RSL24D1: variants seen among roughly 807,000 people sequenced by gnomAD.
RSL24D1 encodes ribosomal L24 domain containing 1.
In RSL24D1, 6 loss-of-function variants were observed where a neutral mutation model predicts 26.2. The ratio of observed to expected loss-of-function variants is 0.23; its 90% CI spans 0.13 to 0.45. The LOEUF is 0.45. Ranked by LOEUF, RSL24D1 falls within the 20% of genes least tolerant of loss-of-function variation. The pLI is 0.99. For synonymous variants in RSL24D1, 61 were observed against 59.1 expected, an observed-to-expected ratio of 1.03 and a Z score of -0.15; for missense variants, 176 against 202.6, an observed-to-expected ratio of 0.87 and a Z score of 0.80.
Position 55,185,428 on chromosome 15 carries a change from A to G in RSL24D1, c.269-3T>C. On this transcript the variant is annotated splice_region_variant and splice_polypyrimidine_tract_variant and intron_variant, in intron 3 of 5. Transcript: ENST00000260443. The stretch of plus-strand genomic sequence containing the variant: ...TTCAACTCTCTTCATCGCATCAACT[A>G]CAAAAAAATTCATGAGTTAGCAAAT... The G allele has an allele frequency of 1.2e-6, 2 of 1,603,428 alleles. No individual in the cohort carries two copies. Among genetic ancestry groups the G allele is most frequent in the South Asian group, 2.3e-5 (2 of 88,540 alleles).
At chr15:55,190,661 C>T (rs1894286920) in intron 3 of RSL24D1, among the ~76,000 whole-genome samples, 1 of 152,136 alleles carries the variant, frequency 6.6e-6, no homozygotes, top group Non-Finnish European at 1.5e-5. Flanking sequence ...CCATCCCACA[C>T]TCACCCTAAA....
intron 3 of RSL24D1, among the ~76,000 whole-genome samples, chr15:55,190,638 A>C (rs1410479288): frequency 6.6e-6 from 1 of 152,142 alleles, no homozygotes; most frequent in Non-Finnish European, 1.5e-5. Flanking sequence ...GTTAGGTTTC[A>C]TGTGTATTTT....
intron 2 of RSL24D1, 107 bp downstream of exon 2, chr15:55,192,613 A>C: frequency 2.9e-6 from 2 of 691,200 alleles, no homozygotes; most frequent in Non-Finnish European, 5.1e-6. Flanking sequence ...GGTACTTATT[A>C]ATCATGTTAT....
chr15:55,182,963 T>A (rs1894185624), intron 5 of RSL24D1, among the ~76,000 whole-genome samples: 1 of 152,128 alleles, frequency 6.6e-6, no homozygotes, highest in Admixed American at 6.5e-5. Flanking sequence ...TATACTAAGT[T>A]CCCCAAGTTG....
chr15:55,196,215 C>T lies in RSL24D1; in HGVS notation c.81+595G>A, dbSNP rs929153708. ...CTTCCTCAAACAAATGTATTTGCTC[C>T]GTTCTCTGCCTTTTCTCAAAATGTT... On this transcript the variant is annotated intron_variant, in intron 1 of 5. Coordinates refer to ENST00000260443, the MANE Select transcript of RSL24D1 (RefSeq NM_016304.3). 5.8e-5 allele frequency: 24 copies of T among 412,144 alleles called. No individual in the cohort carries two copies. In the East Asian group the frequency reaches 1.4e-3, roughly 24 times the overall value. 25.5% of individuals were successfully genotyped at this position (412,144 alleles called of 1,614,324 possible).
Position 55,183,303 on chromosome 15 carries a change from T to A in RSL24D1, c.418+12A>T, listed in dbSNP as rs767648982. ...AGACCACAAAAATCTAGATGTGCAA[T>A]GTAGTACTCACCTGCAAGAGGGGCT... On this transcript the variant is annotated intron_variant, in intron 5 of 5. Transcript: ENST00000260443. The A allele has an allele frequency of 6.2e-7, 1 of 1,607,210 alleles. No individual in the cohort carries two copies. The highest frequency in any genetic ancestry group is 2.2e-5 in the East Asian group (1 of 44,836).
chr15:55,196,857 G>A lies in RSL24D1; in HGVS notation c.34C>T (p.Pro12Ser), dbSNP rs1003962483. 2 of 1,614,154 alleles carry A rather than the reference G, an allele frequency of 1.2e-6. No individual in the cohort carries two copies. Among genetic ancestry groups the A allele is most frequent in the Non-Finnish European group, 1.7e-6 (2 of 1,180,026 alleles). ...ATCATGCCGTGTCCAGGATAGATGG[G>A]CCCCGAACAGAAATAACACTTTTCG... is the stretch of plus-strand genomic sequence containing the variant. ...RIEKCYFCSG[P>S]IYPGHGMMFV... The change falls in exon 1 of 6, where the codon CCC (proline) becomes TCC (serine). Residue 12 changes from proline (P) to serine (S), a missense_variant. Transcript: ENST00000260443.
Position 55,182,149 on chromosome 15 carries a change from T to C in RSL24D1, c.*3A>G. On this transcript the variant is annotated 3_prime_UTR_variant, in exon 6 of 6. Transcript: ENST00000260443. ...TACATAAAAGAAATGGTTACAGAGATTTTTAAGGAGCATCTTCCATGTCCA... is the reference window on the plus strand; with the variant it reads ...TACATAAAAGAAATGGTTACAGAGACTTTTAAGGAGCATCTTCCATGTCCA... The C allele has an allele frequency of 6.3e-7, 1 of 1,582,502 alleles. No individual in the cohort carries two copies. Among genetic ancestry groups the C allele is most frequent in the Non-Finnish European group, 8.7e-7 (1 of 1,152,428 alleles).
intron 1 of RSL24D1, among the ~76,000 whole-genome samples, chr15:55,195,846 G>A (rs947848045): frequency 2.0e-5 from 3 of 152,184 alleles, no homozygotes; most frequent in South Asian, 2.1e-4. Context: ...ATAAGGTGAA[G>A]AAGTCAGACT....
chr15:55,182,508 G>C (rs571102199), intron 5 of RSL24D1, among the ~76,000 whole-genome samples: 1 of 152,116 alleles, frequency 6.6e-6, no homozygotes, highest in Admixed American at 6.5e-5. Context: ...CACTCAACTA[G>C]AAAGCCATTT....
intron 1 of RSL24D1, among the ~76,000 whole-genome samples, chr15:55,195,992 T>C (rs999730988): frequency 8.5e-5 from 13 of 152,162 alleles, no homozygotes; most frequent in African/African-American, 3.1e-4. Context: ...GAAGCAAACG[T>C]AAGAGATCAA....
Position 55,196,856 on chromosome 15 carries a change from G to T in RSL24D1, c.35C>A (p.Pro12His). The stretch of plus-strand genomic sequence containing the variant: ...CATCATGCCGTGTCCAGGATAGATG[G>T]GCCCCGAACAGAAATAACACTTTTC... ...RIEKCYFCSG[P>H]IYPGHGMMFV... Residue 12 changes from proline (P) to histidine (H), a missense_variant, in exon 1 of 6, where the codon CCC (proline) becomes CAC (histidine). Around this residue, in one of 3 missense-constraint regions of RSL24D1, gnomAD observed 44 missense variants for 28.8 expected, o/e 1.53. Transcript: ENST00000260443. 6.2e-7 allele frequency: 1 copy of T among 1,614,164 alleles called. No homozygotes were observed.
rs191266343 is a variant in RSL24D1 at position 55,182,362 on chromosome 15, T to A, written c.419-137A>T. The stretch of plus-strand genomic sequence containing the variant: ...CTAAGAAATTTAATAGTAGCTAAAC[T>A]AACATAGGTCTTATGATATGCCATG... On this transcript the variant is annotated intron_variant, in intron 5 of 5. Transcript: ENST00000260443. The A allele has an allele frequency of 1.7e-4, 107 of 625,806 alleles. No individual in the cohort carries two copies. In the African/African-American group the frequency reaches 1.9e-3, roughly 11 times the overall value. 38.8% of individuals were successfully genotyped at this position (625,806 alleles called of 1,614,324 possible). A position where few individuals can be genotyped will look rare whatever the true frequency, so the allele number is the denominator to read the frequency against.
intron 1 of RSL24D1, chr15:55,196,237 T>C: frequency 7.0e-6 from 3 of 429,732 alleles, no homozygotes; most frequent in South Asian, 3.3e-5. Context: ...TTTCTCAAAA[T>C]GTTCACTTTC....
At chr15:55,191,866 G>T (rs983265136) in intron 2 of RSL24D1, among the ~76,000 whole-genome samples, 10 of 152,124 alleles carry the variant, frequency 6.6e-5, no homozygotes, top group Non-Finnish European at 1.5e-4. Flanking sequence ...GACTGTGACC[G>T]GCAGTGTTTC....
In RSL24D1 at chr15:55,192,715, C is replaced by T. The variant is rs1223983288; in HGVS notation, c.195+5G>A. 1.3e-5 allele frequency: 20 copies of T among 1,589,648 alleles called. No individual in the cohort carries two copies. In the Admixed American group the frequency reaches 3.3e-4, roughly 27 times the overall value. On this transcript the variant is annotated splice_donor_5th_base_variant and intron_variant, in intron 2 of 5. Coordinates refer to ENST00000260443, the MANE Select transcript of RSL24D1 (RefSeq NM_016304.3). ...AAAACTATATTGATAGCTAACCGTA[C>T]TCACCACTGTAAGCTCTTTACCAGC... is the stretch of plus-strand genomic sequence containing the variant.
chr15:55,182,124 T>A lies in RSL24D1; in HGVS notation c.*28A>T, dbSNP rs748501964. On this transcript the variant is annotated 3_prime_UTR_variant, in exon 6 of 6. Transcript: ENST00000260443. ...AGTATCCAAAGGGCATTTTCAAATG[T>A]ACATAAAAGAAATGGTTACAGAGAT... is the stretch of plus-strand genomic sequence containing the variant. The A allele has an allele frequency of 7.9e-6, 11 of 1,396,466 alleles. No individual in the cohort carries two copies. In the South Asian group the frequency reaches 1.3e-4, roughly 17 times the overall value. The allele number at this position is 1,396,466 out of a possible 1,614,324, so 86.5% of individuals were successfully genotyped here.
chr15:55,196,695 C>CA (rs1265537701), intron 1 of RSL24D1, 115 bp downstream of exon 1: 13 of 967,578 alleles, frequency 1.3e-5, no homozygotes, highest in Non-Finnish European at 1.9e-5. Context: ...CCCAGGGGAA[C>CA]AACGGGAGGA....
At chr15:55,194,004 T>A (rs1462621502) in intron 1 of RSL24D1, 1 of 152,230 alleles carries the variant, frequency 6.6e-6, no homozygotes, top group African/African-American at 2.4e-5. Context: ...AGCAAAAGCC[T>A]CCCACATTTA....
Sources: allele counts gnomAD v4.1 joint callset (sites outside exome capture counted in the v4.1 genomes callset), GRCh38; gene constraint gnomAD v4.1.1; regional missense constraint gnomAD v4.1.1; transcripts MANE v1.5; gene names NCBI Gene and HGNC (gene_info 2026-07-23, HGNC 2026-07-21).